The following ZZEF1 variants were observed in gnomAD, a reference collection of about 807,000 sequenced individuals.
ZZEF1 encodes the protein zinc finger ZZ-type and EF-hand domain containing 1.
ZZEF1 carries 157 observed loss-of-function variants against 342.8 expected under a neutral mutation model. That is an observed-to-expected ratio of 0.46 (90% CI 0.40 to 0.52). The LOEUF (loss-of-function observed/expected upper bound fraction) is 0.52, where lower values mean the gene tolerates loss of function less well. Among genes scored for constraint, ZZEF1 ranks in the 20% least tolerant of loss-of-function variants. The probability of loss-of-function intolerance (pLI) is 0.00; values close to 1 mark genes in which losing one functional copy is unlikely to be tolerated. For synonymous variants in ZZEF1, 1,505 were observed against 1,429.1 expected (o/e 1.05, Z -1.20); for missense variants, 3,480 against 3,725.6 (o/e 0.93, Z 1.72).
intron 1 of ZZEF1, among the ~76,000 whole-genome samples, chr17:4,138,067 G>C (rs1027745806): frequency 2.0e-5 from 3 of 152,200 alleles, no homozygotes; most frequent in African/African-American, 7.2e-5. Flanking sequence ...GCTAGTGCAG[G>C]TGGGGGAAAG....
At chr17:4,096,306 T>TA (rs918694166) in intron 10 of ZZEF1, among the ~76,000 whole-genome samples, 65 of 146,666 alleles carry the variant, frequency 4.4e-4, no homozygotes, top group Admixed American at 4.1e-4. Flanking sequence ...GGTCTGACTT[T>TA]AAAAAAAAAA....
intron 38 of ZZEF1, among the ~76,000 whole-genome samples, chr17:4,044,022 A>T (rs1384985358): frequency 6.6e-6 from 1 of 152,270 alleles, no homozygotes; most frequent in Admixed American, 6.5e-5. Context: ...TAGTAAATAC[A>T]GGAAATAAAT....
intron 3 of ZZEF1, 60 bp downstream of exon 3, chr17:4,116,912 A>C: frequency 6.8e-7 from 1 of 1,473,180 alleles, no homozygotes; most frequent in Admixed American, 2.4e-5. Flanking sequence ...TCATTTTACC[A>C]ACACAACAGT....
At chr17:4,057,170 T>C (rs994154543) in intron 32 of ZZEF1, among the ~76,000 whole-genome samples, 1 of 152,216 alleles carries the variant, frequency 6.6e-6, no homozygotes, top group Admixed American at 6.5e-5. Flanking sequence ...GACTGTGGCG[T>C]GCGGGGAGAC....
Position 4,085,651 on chromosome 17 carries a change from G to C in ZZEF1, c.2646+19C>G. 6.2e-7 allele frequency: 1 copy of C among 1,613,294 alleles called. No homozygotes were observed. Among genetic ancestry groups the C allele is most frequent in the African/African-American group, 1.3e-5 (1 of 75,026 alleles). On this transcript the variant is annotated intron_variant, in intron 16 of 54. Coordinates refer to ENST00000381638, the MANE Select transcript of ZZEF1 (RefSeq NM_015113.4). ...TCACAGACTTCAGACATTGAATCCAGACTTTTAGTAATAATTACCATCATG... is the reference window on the plus strand; with the variant it reads ...TCACAGACTTCAGACATTGAATCCACACTTTTAGTAATAATTACCATCATG...
chr17:4,077,129 G>A (rs983173749), intron 19 of ZZEF1, 140 bp from the exon 20 acceptor site: 22 of 694,302 alleles, frequency 3.2e-5, no homozygotes, highest in South Asian at 8.0e-5. Context: ...AGCAAGTGCC[G>A]TCCTAATGCA....
chr17:4,068,412 G>C (rs964808394), intron 26 of ZZEF1, among the ~76,000 whole-genome samples: 3 of 151,990 alleles, frequency 2.0e-5, no homozygotes, highest in African/African-American at 7.2e-5. Flanking sequence ...TCAGCCTCCC[G>C]AGTAGCTGGA....
intron 5 of ZZEF1, among the ~76,000 whole-genome samples, chr17:4,110,698 T>C (rs1270780417): frequency 6.6e-6 from 1 of 150,718 alleles, no homozygotes; most frequent in East Asian, 1.9e-4. Context: ...AGGGGTGGGT[T>C]AAAATTACGG....
At chr17:4,075,776 T>C (rs2057600362) in intron 21 of ZZEF1, among the ~76,000 whole-genome samples, 1 of 143,750 alleles carries the variant, frequency 7.0e-6, no homozygotes, top group Non-Finnish European at 1.5e-5. Context: ...CCTGGGACAC[T>C]GGCAAATCTG....
At chr17:4,136,750 T>G (rs950646360) in intron 1 of ZZEF1, among the ~76,000 whole-genome samples, 6 of 152,154 alleles carry the variant, frequency 3.9e-5, no homozygotes, top group Admixed American at 1.3e-4. Flanking sequence ...TGGTTCAGAC[T>G]GTAGGCTAGG....
intron 1 of ZZEF1, among the ~76,000 whole-genome samples, chr17:4,132,522 C>A (rs908821986): frequency 1.3e-5 from 2 of 151,908 alleles, no homozygotes; most frequent in African/African-American, 2.4e-5. Flanking sequence ...CACGGTGAAA[C>A]CCCGTCTCTA....
chr17:4,116,971 C>A lies in ZZEF1; in HGVS notation c.694+1G>T. On this transcript the variant is annotated splice_donor_variant, in intron 3 of 54. Coordinates refer to ENST00000381638, the MANE Select transcript of ZZEF1 (RefSeq NM_015113.4). LOFTEE classifies it high-confidence loss of function. ...TCAGGAGAACCCCCACACACACATA[C>A]CCTTTTCCTTTTGTACCAGCTGATC... 1 of 1,603,378 alleles carries A rather than the reference C, an allele frequency of 6.2e-7. No individual in the cohort carries two copies. Among genetic ancestry groups the A allele is most frequent in the Non-Finnish European group, 8.5e-7 (1 of 1,172,526 alleles).
At chr17:4,012,769 C>G (rs943803824) in intron 52 of ZZEF1, among the ~76,000 whole-genome samples, 4 of 152,008 alleles carry the variant, frequency 2.6e-5, no homozygotes, top group African/African-American at 7.2e-5. Context: ...TTAGAATGAA[C>G]AAAGTAAGGT....
At position 4,142,807 on chromosome 17, in the gene ZZEF1, A is replaced by G. The variant is rs1454121; in HGVS notation, c.89T>C (p.Val30Ala). 0.84 allele frequency: 1,176,629 copies of G among 1,400,314 alleles called. 499,015 individuals are homozygous for G. Among genetic ancestry groups the G allele is most frequent in the East Asian group, 1 (33,569 of 33,584 alleles). 86.7% of individuals were successfully genotyped at this position (1,400,314 alleles called of 1,614,324 possible). The change falls in exon 1 of 55, where the codon GTC becomes GCC. Residue 30 changes from valine to alanine, a missense_variant. Val to Ala is a moderately conservative substitution (Grantham distance 64). Transcript: ENST00000381638. The part of the protein sequence containing the change: ...GWGPHQDWAA[V>A]SGTTPGPGVA... ...GCCCGGGCCGGGGGTCGTGCCCGAG[A>G]CCGCGGCCCAGTCCTGGTGTGGGCC... is the stretch of plus-strand genomic sequence containing the variant.
chr17:4,068,330 T>G (rs2057442583), intron 26 of ZZEF1, among the ~76,000 whole-genome samples: 1 of 152,074 alleles, frequency 6.6e-6, no homozygotes, highest in South Asian at 2.1e-4. Context: ...CAGACTAGAG[T>G]GCAATGGCGC....
Position 4,058,056 on chromosome 17 carries a change from C to T in ZZEF1, c.5103G>A (p.Gln1701=). 6.2e-7 allele frequency: 1 copy of T among 1,614,156 alleles called. No homozygotes were observed. ...ACATTTTCATGAGGAGATCTGGTAA[C>T]TGAATATCAACAAAGAAGGCGAGAT... ...PNDLAFFVDI[Q]LPDLLMKMSQ... is the part of the protein sequence containing the mutation. Residue 1701 remains glutamine (Q), a synonymous_variant, in exon 32 of 55, where the codon CAG becomes CAA. Coordinates refer to ENST00000381638, the MANE Select transcript of ZZEF1 (RefSeq NM_015113.4).
intron 39 of ZZEF1, among the ~76,000 whole-genome samples, chr17:4,041,301 G>T (rs1054554415): frequency 6.6e-6 from 1 of 151,816 alleles, no homozygotes; most frequent in African/African-American, 2.4e-5. Context: ...AACACATAAT[G>T]ATTTTCCTGC....
At chr17:4,027,379 C>G (rs917957011) in intron 42 of ZZEF1, among the ~76,000 whole-genome samples, 1 of 147,518 alleles carries the variant, frequency 6.8e-6, no homozygotes, top group African/African-American at 2.5e-5. Context: ...ACTGCAACCT[C>G]CGCCTCCCTG....
intron 9 of ZZEF1, among the ~76,000 whole-genome samples, chr17:4,099,923 A>C (rs201324832): frequency 7.9e-4 from 1 of 1,264 alleles, no homozygotes; most frequent in African/African-American, 9.3e-4. Context: ...GATAACAGGG[A>C]AAAAAAAAAT....
Sources: allele counts gnomAD v4.1 joint callset (sites outside exome capture counted in the v4.1 genomes callset), GRCh38; gene constraint gnomAD v4.1.1; transcripts MANE v1.5; gene names NCBI Gene and HGNC (gene_info 2026-07-23, HGNC 2026-07-21).